Variants in GPT2 observed in about 807,000 individuals in gnomAD.
GPT2 encodes alanine aminotransferase 2.
Under a neutral mutation model 56.9 loss-of-function variants are expected in GPT2, and 30 were observed. That is an observed-to-expected ratio of 0.53 (90% confidence interval 0.39 to 0.72). The LOEUF is 0.72. Among genes scored for constraint, GPT2 ranks in the 30% least tolerant of loss-of-function variants. The probability of loss-of-function intolerance (pLI) is 0.00; values close to 1 mark genes in which losing one functional copy is unlikely to be tolerated. For synonymous variants in GPT2, 271 were observed against 283.1 expected (o/e 0.96, Z 0.43); for missense variants, 542 against 703.4 (o/e 0.77, Z 2.60).
chr16:46,924,223 A>T, intron 9 of GPT2, 166 bp from the exon 10 acceptor site: 1 of 762,070 alleles, frequency 1.3e-6, no homozygotes, highest in Non-Finnish European at 2.3e-6. Context: ...CATGTGACCC[A>T]GGCAGAGCAA....
intron 10 of GPT2, 105 bp from the exon 11 acceptor site, chr16:46,926,820 C>G (rs1041678755): frequency 3.0e-6 from 2 of 665,318 alleles, no homozygotes; most frequent in Non-Finnish European, 4.8e-6. Flanking sequence ...GAGAAGGGCA[C>G]TGCCGTGGGA....
intron 4 of GPT2, among the ~76,000 whole-genome samples, chr16:46,902,035 C>G (rs1337520588): frequency 6.6e-6 from 1 of 152,232 alleles, no homozygotes; most frequent in Non-Finnish European, 1.5e-5. Context: ...TCCTGGAAGC[C>G]CCCAACTGAG....
chr16:46,889,319 G>A lies in GPT2; in HGVS notation c.243+4361G>A, dbSNP rs182536105. On this transcript the variant is annotated intron_variant, in intron 2 of 11. Coordinates refer to ENST00000340124, the MANE Select transcript of GPT2 (RefSeq NM_133443.4). ...TTCTCCTAGGCTGGAGTGCAGTGGT[G>A]CAGTTATAGCTCACTGTGGCCTCAA... 3.3e-4 allele frequency among the ~76,000 whole-genome samples: 48 copies of A among 146,582 alleles called. No homozygotes were observed. In the East Asian group the frequency reaches 9.3e-3, roughly 28 times the overall value.
Position 46,924,688 on chromosome 16 carries a change from C to T in GPT2, c.1368+144C>T, listed in dbSNP as rs550521315. ...CACCTCTCGGCCAGAGGGTGTTGAC[C>T]GTGTAAAGATGACAGGTTCTTGGAG... On this transcript the variant is annotated intron_variant, in intron 10 of 11. Coordinates refer to ENST00000340124, the MANE Select transcript of GPT2 (RefSeq NM_133443.4). 1.2e-3 allele frequency: 981 copies of T among 835,454 alleles called. 7 individuals carry two copies. The highest frequency in any genetic ancestry group is 2.8e-3 in the South Asian group (167 of 60,210). The allele number at this position is 835,454 out of a possible 1,614,324, so 51.8% of individuals were successfully genotyped here.
chr16:46,888,346 G>A (rs1205511779), intron 2 of GPT2, among the ~76,000 whole-genome samples: 1 of 152,178 alleles, frequency 6.6e-6, no homozygotes, highest in Non-Finnish European at 1.5e-5. Context: ...GCATTTAGAT[G>A]CTACTTTATT....
chr16:46,899,020 T>C lies in GPT2; in HGVS notation c.333+1283T>C, dbSNP rs1232946639. 4.5e-4 allele frequency among the ~76,000 whole-genome samples: 43 copies of C among 95,044 alleles called. 1 individual carries two copies. The highest frequency in any genetic ancestry group is 9.5e-4 in the Admixed American group (10 of 10,474). The allele number at this position is 95,044 out of a possible 152,430, so 62.4% of individuals were successfully genotyped here. On this transcript the variant is annotated intron_variant, in intron 3 of 11. Coordinates refer to ENST00000340124, the MANE Select transcript of GPT2 (RefSeq NM_133443.4). The stretch of plus-strand genomic sequence containing the variant: ...ACACATATATATATATATATATATA[T>C]ATATATATATATATATTTTTTTTTT...
At chr16:46,928,405 A>G (rs1961460243) in intron 11 of GPT2, among the ~76,000 whole-genome samples, 1 of 151,764 alleles carries the variant, frequency 6.6e-6, no homozygotes, top group African/African-American at 2.4e-5. Context: ...TGAGCAGATC[A>G]TGAGGTCAGG....
chr16:46,903,425 C>T lies in GPT2; in HGVS notation c.442+2635C>T, dbSNP rs866170671. 2.6e-5 allele frequency among the ~76,000 whole-genome samples: 4 copies of T among 151,952 alleles called. No individual in the cohort carries two copies. The East Asian group carries it at 7.8e-4, about 30-fold the overall frequency. ...CTGGGCTCAAGCAGTCTTCCTGTAT[C>T]GGCCTCCCAAGTAGCTGGGACTACA... On this transcript the variant is annotated intron_variant, in intron 4 of 11. Transcript: ENST00000340124.
At chr16:46,908,002 A>T (rs1211319093) in intron 5 of GPT2, among the ~76,000 whole-genome samples, 2 of 149,946 alleles carry the variant, frequency 1.3e-5, no homozygotes, top group African/African-American at 2.5e-5. Flanking sequence ...TAGAGCCTGC[A>T]GTCCTGGGTT....
intron 4 of GPT2, among the ~76,000 whole-genome samples, chr16:46,901,940 C>T (rs1318266694): frequency 6.6e-6 from 1 of 152,266 alleles, no homozygotes; most frequent in African/African-American, 2.4e-5. Context: ...GGCCCGGCTT[C>T]CGGGCTCCTT....
intron 6 of GPT2, among the ~76,000 whole-genome samples, chr16:46,912,070 C>T (rs949533699): frequency 4.6e-5 from 7 of 152,172 alleles, no homozygotes; most frequent in African/African-American, 1.7e-4. Flanking sequence ...AGAAGAGGGT[C>T]TCTGGAAAAT....
chr16:46,904,850 A>C (rs756009714), intron 4 of GPT2, among the ~76,000 whole-genome samples: 1 of 152,140 alleles, frequency 6.6e-6, no homozygotes, highest in Non-Finnish European at 1.5e-5. Flanking sequence ...ATCTGCACCT[A>C]CCCTTTTTTA....
Position 46,899,020 on chromosome 16 carries a change from TATATATATATATATA to T in GPT2, c.333+1284_333+1298del, listed in dbSNP as rs1435983384. On this transcript the variant is annotated intron_variant, in intron 3 of 11. Transcript: ENST00000340124. Reference sequence around the variant, plus strand: ...ACACATATATATATATATATATATATATATATATATATATATTTTTTTTTTTTTAGAGACAGAGTC... The same window carrying T: ...ACACATATATATATATATATATATATTTTTTTTTTTTTTAGAGACAGAGTC... 3.1e-3 allele frequency among the ~76,000 whole-genome samples: 293 copies of T among 94,938 alleles called. 2 individuals are homozygous for T. The highest frequency in any genetic ancestry group is 7.1e-3 in the African/African-American group (93 of 13,104). The allele number at this position is 94,938 out of a possible 152,430, so 62.3% of individuals were successfully genotyped here.
chr16:46,922,222 C>G lies in GPT2; in HGVS notation c.1038-20C>G. 1 of 1,611,480 alleles carries G rather than the reference C, an allele frequency of 6.2e-7. No homozygotes were observed. The highest frequency in any genetic ancestry group is 1.3e-5 in the African/African-American group (1 of 74,964). On this transcript the variant is annotated intron_variant, in intron 8 of 11. Coordinates refer to ENST00000340124, the MANE Select transcript of GPT2 (RefSeq NM_133443.4). The stretch of plus-strand genomic sequence containing the variant: ...GTCTTTCTATAACTGGTGGTCCTCT[C>G]CCTCTCTTTGGCCCTCCAGGTGTGG...
intron 2 of GPT2, among the ~76,000 whole-genome samples, chr16:46,887,011 A>C (rs76575122): frequency 0.024 from 3,706 of 151,278 alleles, 55 homozygotes; most frequent in Non-Finnish European, 0.04. Flanking sequence ...CCTCATTGAA[A>C]CCCTTCCTTC....
At chr16:46,911,100 C>A (rs1961038820) in intron 6 of GPT2, among the ~76,000 whole-genome samples, 1 of 152,118 alleles carries the variant, frequency 6.6e-6, no homozygotes, top group Non-Finnish European at 1.5e-5. Flanking sequence ...TGCTGTGTAC[C>A]TTTAAGGCCT....
intron 2 of GPT2, among the ~76,000 whole-genome samples, chr16:46,895,355 T>A (rs777660347): frequency 1.3e-5 from 2 of 151,892 alleles, no homozygotes; most frequent in Non-Finnish European, 2.9e-5. Flanking sequence ...TGAAATCCCA[T>A]CTCCATTAAA....
chr16:46,906,786 G>C, intron 4 of GPT2, 56 bp from the exon 5 acceptor site: 1 of 1,602,848 alleles, frequency 6.2e-7, no homozygotes, highest in Non-Finnish European at 8.5e-7. Flanking sequence ...TAATTATATT[G>C]ACCCTGTGGA....
chr16:46,885,201 G>T, intron 2 of GPT2: 1 of 1,258,034 alleles, frequency 7.9e-7, no homozygotes, highest in Non-Finnish European at 1.0e-6. Flanking sequence ...ATTGTTGAGC[G>T]GGCCGTGCTG....
Sources: allele counts gnomAD v4.1 joint callset (sites outside exome capture counted in the v4.1 genomes callset), GRCh38; gene constraint gnomAD v4.1.1; transcripts MANE v1.5; gene names NCBI Gene and HGNC (gene_info 2026-07-23, HGNC 2026-07-21).